The following SSBP2 variants were observed in gnomAD, a reference collection of about 807,000 sequenced individuals.
SSBP2 encodes the protein single stranded DNA binding protein 2.
Under a neutral mutation model 61.8 loss-of-function variants are expected in SSBP2, and 17 were observed. The ratio of observed to expected loss-of-function variants is 0.28; its 90% CI spans 0.19 to 0.41. The LOEUF (loss-of-function observed/expected upper bound fraction) is 0.41, where lower values mean the gene tolerates loss of function less well. Ranked by LOEUF, SSBP2 falls within the 10% of genes least tolerant of loss-of-function variation. The probability of loss-of-function intolerance (pLI) is 1.00; values close to 1 mark genes in which losing one functional copy is unlikely to be tolerated. For missense variants in SSBP2, 310 were observed against 458.7 expected, an observed-to-expected ratio of 0.68 and a Z score of 2.96; for synonymous variants, 139 against 141.3, an observed-to-expected ratio of 0.98 and a Z score of 0.12.
At chr5:81,572,696 A>T (rs1433201828) in intron 4 of SSBP2, among the ~76,000 whole-genome samples, 1 of 152,192 alleles carries the variant, frequency 6.6e-6, no homozygotes, top group Non-Finnish European at 1.5e-5. Flanking sequence ...TATGACCATA[A>T]ACAGGAAATT....
intron 1 of SSBP2, among the ~76,000 whole-genome samples, chr5:81,671,285 T>A (rs1751558482): frequency 6.6e-6 from 1 of 152,114 alleles, no homozygotes; most frequent in Non-Finnish European, 1.5e-5. Flanking sequence ...CACAGGGTAT[T>A]TTTTTCCTCT....
chr5:81,689,373 T>C (rs1441057948), intron 1 of SSBP2, among the ~76,000 whole-genome samples: 1 of 152,092 alleles, frequency 6.6e-6, no homozygotes, highest in Non-Finnish European at 1.5e-5. Context: ...AATAAAGTTA[T>C]AGAACACTAA....
intron 3 of SSBP2, among the ~76,000 whole-genome samples, chr5:81,631,937 C>T (rs1359650901): frequency 6.6e-6 from 1 of 152,090 alleles, no homozygotes; most frequent in Admixed American, 6.5e-5. Flanking sequence ...CACATGTTTT[C>T]CTTTCTCCTT....
intron 1 of SSBP2, among the ~76,000 whole-genome samples, chr5:81,697,948 A>T (rs1028173471): frequency 4.6e-5 from 7 of 152,176 alleles, no homozygotes; most frequent in Admixed American, 1.3e-4. Context: ...CTAAAATCTC[A>T]TCTACATATT....
intron 3 of SSBP2, among the ~76,000 whole-genome samples, chr5:81,636,314 C>T (rs1178061946): frequency 1.3e-5 from 2 of 152,186 alleles, no homozygotes; most frequent in African/African-American, 4.8e-5. Flanking sequence ...CAAGCCGTTA[C>T]AGAATTGTAC....
At chr5:81,596,996 A>C (rs1378564660) in intron 4 of SSBP2, among the ~76,000 whole-genome samples, 3 of 151,936 alleles carry the variant, frequency 2.0e-5, no homozygotes, top group East Asian at 1.9e-4. Flanking sequence ...AATGGGATCT[A>C]ATTAAACTCA....
chr5:81,562,771 A>G lies in SSBP2; in HGVS notation c.283-49054T>C, dbSNP rs149833262. On this transcript the variant is annotated intron_variant, in intron 4 of 16. Coordinates refer to ENST00000320672, the MANE Select transcript of SSBP2 (RefSeq NM_012446.5). ...TGGGCAACGAATAATCAGATATTCA[A>G]ATTTTAAAGGTACCATATTTAACTA... Among the ~76,000 whole-genome samples, 163 of 152,296 alleles carry G rather than the reference A, an allele frequency of 1.1e-3. 1 individual carries two copies. The East Asian group carries it at 0.011, about 10-fold the overall frequency.
At chr5:81,694,581 A>G (rs555390595) in intron 1 of SSBP2, among the ~76,000 whole-genome samples, 3 of 151,988 alleles carry the variant, frequency 2.0e-5, no homozygotes, top group East Asian at 3.9e-4. Flanking sequence ...TTTTATTTCA[A>G]TTTTTAAAAA....
chr5:81,656,513 G>A (rs2153729626), intron 1 of SSBP2, among the ~76,000 whole-genome samples: 1 of 152,212 alleles, frequency 6.6e-6, no homozygotes, highest in African/African-American at 2.4e-5. Flanking sequence ...GGTGGTATTT[G>A]GTTACATGAG....
At chr5:81,448,905 T>A in intron 10 of SSBP2, 80 bp from the exon 11 acceptor site, 1 of 1,173,302 alleles carries the variant, frequency 8.5e-7, no homozygotes. Context: ...TATTTCATGA[T>A]TTTTTGTCAA....
chr5:81,711,043 C>T (rs561247558), intron 1 of SSBP2, among the ~76,000 whole-genome samples: 15 of 152,106 alleles, frequency 9.9e-5, no homozygotes, highest in African/African-American at 3.6e-4. Flanking sequence ...TCTTAAAGTT[C>T]ATTTAATAAC....
intron 4 of SSBP2, among the ~76,000 whole-genome samples, chr5:81,602,652 T>A (rs1744481654): frequency 6.6e-6 from 1 of 152,176 alleles, no homozygotes; most frequent in African/African-American, 2.4e-5. Context: ...GAGGCCCTTT[T>A]TTGCTTGAGA....
intron 9 of SSBP2, among the ~76,000 whole-genome samples, chr5:81,465,017 C>A (rs1013615597): frequency 6.6e-6 from 1 of 151,914 alleles, no homozygotes; most frequent in African/African-American, 2.4e-5. Context: ...AATAGTTACA[C>A]TCTTATAGAG....
chr5:81,642,927 T>A (rs930267339), intron 2 of SSBP2, among the ~76,000 whole-genome samples: 3 of 152,238 alleles, frequency 2.0e-5, no homozygotes, highest in Admixed American at 6.5e-5. Flanking sequence ...CACATTTGCT[T>A]AATTTTTCAT....
At position 81,540,340 on chromosome 5, in the gene SSBP2, C is replaced by G. The variant is rs186391651; in HGVS notation, c.283-26623G>C. Among the ~76,000 whole-genome samples the G allele has an allele frequency of 3.2e-4, 49 of 152,304 alleles. No individual in the cohort carries two copies. The Middle Eastern group carries it at 0.01, about 32-fold the overall frequency. On this transcript the variant is annotated intron_variant, in intron 4 of 16. Coordinates refer to ENST00000320672, the MANE Select transcript of SSBP2 (RefSeq NM_012446.5). ...CACACTGTCTTCCGCAATGGTTGAA[C>G]TGATTTATACTCCTACCAACAGTGT... is the stretch of plus-strand genomic sequence containing the variant.
intron 5 of SSBP2, among the ~76,000 whole-genome samples, chr5:81,491,949 G>C (rs1766886619): frequency 6.6e-6 from 1 of 152,150 alleles, no homozygotes; most frequent in Admixed American, 6.5e-5. Flanking sequence ...CAACTGCCTA[G>C]TGAATTAGCT....
chr5:81,720,105 A>G (rs1022870213), intron 1 of SSBP2, among the ~76,000 whole-genome samples: 1 of 152,094 alleles, frequency 6.6e-6, no homozygotes, highest in Non-Finnish European at 1.5e-5. Context: ...AAATACAGAA[A>G]ATAAAAAATA....
rs10659647 is a variant in SSBP2, at chr5:81,614,359, CAAAAAAA to C, written c.282+1107_282+1113del. Among the ~76,000 whole-genome samples, 11 of 73,820 alleles carry C rather than the reference CAAAAAAA, an allele frequency of 1.5e-4. No individual in the cohort carries two copies. The East Asian group carries it at 4.2e-3, about 28-fold the overall frequency. The allele number at this position is 73,820 out of a possible 152,430, so 48.4% of individuals were successfully genotyped here. A position where few individuals can be genotyped will look rare whatever the true frequency, so the allele number is the denominator to read the frequency against. On this transcript the variant is annotated intron_variant, in intron 4 of 16. Coordinates refer to ENST00000320672, the MANE Select transcript of SSBP2 (RefSeq NM_012446.5). ...TGGGAGACACAGCGAGACTCCGTCT[CAAAAAAA>C]AAAAAAAAAAAAAAAAGAATTGCAC...
chr5:81,547,327 T>C (rs1771814233), intron 4 of SSBP2, among the ~76,000 whole-genome samples: 1 of 152,238 alleles, frequency 6.6e-6, no homozygotes, highest in South Asian at 2.1e-4. Flanking sequence ...GTAGCAGCTT[T>C]ATAATTGCTG....
Sources: allele counts gnomAD v4.1 joint callset (sites outside exome capture counted in the v4.1 genomes callset), GRCh38; gene constraint gnomAD v4.1.1; transcripts MANE v1.5; gene names NCBI Gene and HGNC (gene_info 2026-07-23, HGNC 2026-07-21).